Variants in CEP112 observed in about 807,000 individuals in gnomAD.
CEP112 encodes centrosomal protein of 112 kDa.
A neutral mutation model predicts 153.0 loss-of-function variants in CEP112; 127 were observed. The ratio of observed to expected loss-of-function variants is 0.83; its 90% confidence interval spans 0.72 to 0.96. The LOEUF is 0.96. Ranked by LOEUF, CEP112 falls within the 40% of genes least tolerant of loss-of-function variation. CEP112 has a pLI of 0.00. For missense variants in CEP112, 1,089 were observed against 1,101.2 expected, an observed-to-expected ratio of 0.99 and a Z score of 0.16; for synonymous variants, 358 against 374.4, an observed-to-expected ratio of 0.96 and a Z score of 0.51.
At chr17:65,756,930 C>A (rs992684069) in intron 21 of CEP112, among the ~76,000 whole-genome samples, 4 of 152,078 alleles carry the variant, frequency 2.6e-5, no homozygotes, top group South Asian at 4.2e-4. Context: ...TATGTTGCAA[C>A]CCTAAACCCC....
At chr17:65,837,574 C>G (rs1352005200) in intron 21 of CEP112, among the ~76,000 whole-genome samples, 6 of 152,158 alleles carry the variant, frequency 3.9e-5, no homozygotes, top group Non-Finnish European at 8.8e-5. Context: ...CGGCTGCCGC[C>G]CCGTCTGGGA....
chr17:65,789,055 C>T (rs967816949), intron 21 of CEP112, among the ~76,000 whole-genome samples: 1 of 152,134 alleles, frequency 6.6e-6, no homozygotes, highest in Admixed American at 6.5e-5. Context: ...CCAAATTCAT[C>T]CCTAGCCACT....
chr17:66,028,257 G>A (rs9899985), intron 15 of CEP112, 56 bp downstream of exon 15: 553,001 of 1,091,596 alleles, frequency 0.51, 148,400 homozygotes, highest in African/African-American at 0.59. Context: ...TGATACATCT[G>A]AATCAAGAAA....
chr17:65,644,830 T>C (rs966586329), intron 24 of CEP112, among the ~76,000 whole-genome samples: 2 of 152,182 alleles, frequency 1.3e-5, no homozygotes, highest in Non-Finnish European at 2.9e-5. Flanking sequence ...GGAGGATTAC[T>C]TGAGCCCCTC....
intron 23 of CEP112, among the ~76,000 whole-genome samples, chr17:65,702,435 T>C (rs1180331981): frequency 6.6e-6 from 1 of 152,220 alleles, no homozygotes; most frequent in African/African-American, 2.4e-5. Flanking sequence ...TCTGTGGTTT[T>C]ATTTTCCACA....
intron 17 of CEP112, among the ~76,000 whole-genome samples, chr17:65,995,151 G>A (rs1025575848): frequency 7.8e-6 from 1 of 127,892 alleles, no homozygotes; most frequent in African/African-American, 2.9e-5. Flanking sequence ...AAAGGCTGAA[G>A]AGTTCTTGGA....
At chr17:65,642,968 A>G (rs1036620812) in intron 24 of CEP112, among the ~76,000 whole-genome samples, 2 of 152,178 alleles carry the variant, frequency 1.3e-5, no homozygotes, top group African/African-American at 4.8e-5. Flanking sequence ...CCCACCCCAC[A>G]GTAAAAATCT....
intron 19 of CEP112, among the ~76,000 whole-genome samples, chr17:65,908,767 A>C (rs58533937): frequency 0.36 from 54,642 of 152,050 alleles, 11,687 homozygotes; most frequent in Non-Finnish European, 0.5. Flanking sequence ...TTGAAATTCA[A>C]GAGTAAAGTT....
chr17:66,083,331 C>T (rs1339007638), intron 8 of CEP112, among the ~76,000 whole-genome samples: 1 of 152,146 alleles, frequency 6.6e-6, no homozygotes, highest in Non-Finnish European at 1.5e-5. Flanking sequence ...GATTGTGAGG[C>T]CTCCCAGCCA....
At chr17:66,141,408 T>TTTTA (rs3031742) in intron 4 of CEP112, among the ~76,000 whole-genome samples, 74,086 of 151,462 alleles carry the variant, frequency 0.49, 19,095 homozygotes, top group Middle Eastern at 0.57. Context: ...AGTTTTTTTC[T>TTTTA]TTTATTGTGG....
intron 21 of CEP112, among the ~76,000 whole-genome samples, chr17:65,830,720 A>G (rs2057039847): frequency 6.6e-6 from 1 of 152,176 alleles, no homozygotes; most frequent in African/African-American, 2.4e-5. Flanking sequence ...CCTTGACCTG[A>G]CCCAGAAACA....
chr17:65,711,017 C>T (rs1354896423), intron 23 of CEP112, among the ~76,000 whole-genome samples: 1 of 152,206 alleles, frequency 6.6e-6, no homozygotes, highest in African/African-American at 2.4e-5. Flanking sequence ...GGTGAGACAG[C>T]ATGGCTCGTT....
intron 4 of CEP112, among the ~76,000 whole-genome samples, chr17:66,159,741 TATC>T (rs1473957491): frequency 1.3e-5 from 2 of 152,124 alleles, no homozygotes; most frequent in African/African-American, 4.8e-5. Flanking sequence ...ACATAGCTAA[TATC>T]ATACTGAAAG....
chr17:66,118,062 G>T (rs965620362), intron 6 of CEP112, among the ~76,000 whole-genome samples: 37 of 152,146 alleles, frequency 2.4e-4, no homozygotes, highest in African/African-American at 8.4e-4. Flanking sequence ...ACTGGTGGTG[G>T]GAATGTAAAT....
intron 8 of CEP112, among the ~76,000 whole-genome samples, chr17:66,072,848 C>G (rs1401763756): frequency 6.6e-6 from 1 of 152,026 alleles, no homozygotes; most frequent in East Asian, 1.9e-4. Flanking sequence ...GTATTATGTA[C>G]AACTAGGGCA....
intron 17 of CEP112, among the ~76,000 whole-genome samples, chr17:65,983,314 G>A (rs2063294143): frequency 2.0e-5 from 3 of 152,216 alleles, no homozygotes; most frequent in South Asian, 2.1e-4. Flanking sequence ...TAACAAAAAT[G>A]AGGACAGTGA....
At chr17:66,032,104 C>T (rs1056621732) in intron 12 of CEP112, among the ~76,000 whole-genome samples, 2 of 152,096 alleles carry the variant, frequency 1.3e-5, no homozygotes, top group African/African-American at 4.8e-5. Context: ...CAGGTTCAAG[C>T]AATTCTCCTG....
At chr17:65,663,434 TTA>T (rs1428705094) in intron 24 of CEP112, among the ~76,000 whole-genome samples, 4 of 152,306 alleles carry the variant, frequency 2.6e-5, no homozygotes, top group African/African-American at 9.6e-5. Flanking sequence ...ATAGCTCAAC[TTA>T]GTTTGTGGAT....
At chr17:66,184,440 C>G (rs1465474008) in intron 1 of CEP112, among the ~76,000 whole-genome samples, 1 of 152,116 alleles carries the variant, frequency 6.6e-6, no homozygotes, top group Admixed American at 6.5e-5. Flanking sequence ...AATCAGAAAA[C>G]AAACTACCCC....
Sources: allele counts gnomAD v4.1 joint callset (sites outside exome capture counted in the v4.1 genomes callset), GRCh38; gene constraint gnomAD v4.1.1; transcripts MANE v1.5; gene names NCBI Gene and HGNC (gene_info 2026-07-23, HGNC 2026-07-21).